CSMD1: variants seen among roughly 807,000 people sequenced by gnomAD.
CSMD1 encodes CUB and sushi domain-containing protein 1.
CSMD1 carries 213 observed loss-of-function variants against 417.5 expected under a neutral mutation model. The observed-to-expected ratio is 0.51, with a 90% CI of 0.46 to 0.57. The LOEUF (loss-of-function observed/expected upper bound fraction) is 0.57. Ranked by LOEUF, CSMD1 falls within the 20% of genes least tolerant of loss-of-function variation. The pLI is 0.00. For synonymous variants in CSMD1, 2,862 were observed against 1,736.8 expected, an observed-to-expected ratio of 1.65 and a Z score of -16.11; for missense variants, 6,923 against 4,529.7, an observed-to-expected ratio of 1.53 and a Z score of -15.17.
chr8:3,551,594 A>ATG (rs1160043153), intron 10 of CSMD1, among the ~76,000 whole-genome samples: 1 of 103,762 alleles, frequency 9.6e-6, no homozygotes, highest in Non-Finnish European at 1.9e-5. Context: ...ATATATATAT[A>ATG]TATTTTTTTT....
At chr8:4,923,625 G>C (rs1327598813) in intron 1 of CSMD1, among the ~76,000 whole-genome samples, 1 of 152,098 alleles carries the variant, frequency 6.6e-6, no homozygotes, top group Middle Eastern at 3.4e-3. Flanking sequence ...CACTACACTT[G>C]TATTCTACAT....
At chr8:4,962,235 G>C (rs748871808) in intron 1 of CSMD1, among the ~76,000 whole-genome samples, 3 of 151,340 alleles carry the variant, frequency 2.0e-5, no homozygotes, top group Non-Finnish European at 4.4e-5. Flanking sequence ...GTTGGAGACA[G>C]AGACTCACTC....
At chr8:4,695,475 C>G (rs1049843509) in intron 1 of CSMD1, among the ~76,000 whole-genome samples, 2 of 152,276 alleles carry the variant, frequency 1.3e-5, no homozygotes, top group African/African-American at 4.8e-5. Flanking sequence ...TGTTGCCTCT[C>G]CTTTATGATT....
In CSMD1 at chr8:3,923,290, C is replaced by G. The variant is rs1321831519; in HGVS notation, c.818+74613G>C. 2.0e-5 allele frequency among the ~76,000 whole-genome samples: 3 copies of G among 152,134 alleles called. No individual in the cohort carries two copies. In the East Asian group the frequency reaches 5.8e-4, roughly 29 times the overall value. On this transcript the variant is annotated intron_variant, in intron 5 of 69. Coordinates refer to ENST00000635120, the MANE Select transcript of CSMD1 (RefSeq NM_033225.6). ...TGTCTGACTCTGGAGCCCAGGCTGT[C>G]CCTTCCCCATTTGGGGAGTTTATGT... is the stretch of plus-strand genomic sequence containing the variant.
intron 5 of CSMD1, among the ~76,000 whole-genome samples, chr8:3,828,665 T>G (rs1036029345): frequency 1.3e-5 from 2 of 152,160 alleles, no homozygotes; most frequent in African/African-American, 4.8e-5. Context: ...GCCATCGTCA[T>G]CTTTCTACGG....
chr8:3,893,853 A>G (rs915500314), intron 5 of CSMD1, among the ~76,000 whole-genome samples: 3 of 152,154 alleles, frequency 2.0e-5, no homozygotes, highest in African/African-American at 7.2e-5. Context: ...GTTCATTAAA[A>G]TAGTAAAAAA....
At chr8:4,156,216 A>T (rs1250370466) in intron 3 of CSMD1, among the ~76,000 whole-genome samples, 1 of 152,188 alleles carries the variant, frequency 6.6e-6, no homozygotes, top group African/African-American at 2.4e-5. Flanking sequence ...TCACTGTGAT[A>T]TCCTTGGGGT....
intron 54 of CSMD1, among the ~76,000 whole-genome samples, chr8:2,997,505 G>C (rs777712027): frequency 1.3e-5 from 2 of 152,166 alleles, no homozygotes; most frequent in Non-Finnish European, 2.9e-5. Flanking sequence ...GTAATGGAAA[G>C]TAATTGAAAT....
Position 4,861,574 on chromosome 8 carries a change from T to C in CSMD1, c.85+132758A>G, listed in dbSNP as rs531699276. On this transcript the variant is annotated intron_variant, in intron 1 of 69. Transcript: ENST00000635120. ...TACGAAGAAAAATGCAAACACTATT[T>C]AGGATTGTCAACTGAAGTTCTTTGA... Among the ~76,000 whole-genome samples, 64 of 152,254 alleles carry C rather than the reference T, an allele frequency of 4.2e-4. 2 individuals are homozygous for C. The highest frequency in any genetic ancestry group is 1.5e-3 in the African/African-American group (61 of 41,514).
intron 7 of CSMD1, among the ~76,000 whole-genome samples, chr8:3,630,432 A>G (rs954848521): frequency 3.3e-5 from 5 of 152,230 alleles, no homozygotes; most frequent in African/African-American, 9.6e-5. Flanking sequence ...GGCCCAAACC[A>G]CTGAAACTTG....
intron 1 of CSMD1, among the ~76,000 whole-genome samples, chr8:4,959,791 C>G (rs1172695394): frequency 6.6e-6 from 1 of 152,168 alleles, no homozygotes; most frequent in Non-Finnish European, 1.5e-5. Flanking sequence ...TTGCTTATTT[C>G]TAGAATGATT....
chr8:3,655,690 A>G (rs956525416), intron 7 of CSMD1, among the ~76,000 whole-genome samples: 10 of 141,872 alleles, frequency 7.0e-5, no homozygotes, highest in African/African-American at 2.4e-4. Context: ...TTAATCTTCC[A>G]CTGCTGTATA....
intron 46 of CSMD1, among the ~76,000 whole-genome samples, chr8:3,100,733 C>T (rs568610179): frequency 3.3e-5 from 5 of 152,176 alleles, no homozygotes; most frequent in African/African-American, 4.8e-5. Context: ...TCTTATTCAA[C>T]GCATCTCATA....
chr8:4,371,255 T>A (rs1286797733), intron 3 of CSMD1, among the ~76,000 whole-genome samples: 4 of 152,126 alleles, frequency 2.6e-5, no homozygotes, highest in African/African-American at 7.2e-5. Context: ...GGTCAGCAGT[T>A]TGGCTTCTAG....
intron 40 of CSMD1, among the ~76,000 whole-genome samples, chr8:3,148,418 T>C (rs1818980001): frequency 6.6e-6 from 1 of 152,192 alleles, no homozygotes; most frequent in South Asian, 2.1e-4. Flanking sequence ...TGTGCAGTGC[T>C]GTGGGTATAA....
intron 5 of CSMD1, among the ~76,000 whole-genome samples, chr8:3,989,693 G>T (rs1225849044): frequency 6.6e-6 from 1 of 152,206 alleles, no homozygotes; most frequent in African/African-American, 2.4e-5. Flanking sequence ...ACTCTAAAGA[G>T]ATTCGAATCA....
At chr8:4,085,545 T>A (rs1227111851) in intron 3 of CSMD1, among the ~76,000 whole-genome samples, 1 of 152,140 alleles carries the variant, frequency 6.6e-6, no homozygotes, top group Admixed American at 6.6e-5. Context: ...GTAACCCTAA[T>A]AAGCTGGACA....
chr8:4,049,841 G>A (rs935051997), intron 3 of CSMD1, among the ~76,000 whole-genome samples: 1 of 152,068 alleles, frequency 6.6e-6, no homozygotes, highest in South Asian at 2.1e-4. Context: ...ACCAATATTG[G>A]CATATTCTTC....
intron 42 of CSMD1, among the ~76,000 whole-genome samples, chr8:3,114,588 C>T (rs1310473441): frequency 1.3e-5 from 2 of 152,022 alleles, no homozygotes; most frequent in African/African-American, 2.4e-5. Context: ...TCCTTAGAAG[C>T]ATTTTCAGAG....
Sources: gnomAD v4.1 joint callset for allele counts (sites outside exome capture counted in the v4.1 genomes callset) on GRCh38, gnomAD v4.1.1 for gene constraint, MANE v1.5 for transcripts, NCBI Gene and HGNC (gene_info 2026-07-23, HGNC 2026-07-21) for gene names.